EHMT1: variants seen among roughly 807,000 people sequenced by gnomAD.
EHMT1 encodes histone-lysine N-methyltransferase EHMT1.
A neutral mutation model predicts 147.2 loss-of-function variants in EHMT1; 15 were observed. The ratio of observed to expected loss-of-function variants is 0.10; its 90% CI spans 0.07 to 0.16. The LOEUF is 0.16. Ranked by LOEUF, EHMT1 falls within the 10% of genes least tolerant of loss-of-function variation. The pLI is 1.00. For missense variants in EHMT1, 1,587 were observed against 1,772.4 expected (o/e 0.90, Z 1.88); for synonymous variants, 795 against 709.6 (o/e 1.12, Z -1.91).
chr9:137,671,593 T>G (rs1188843718), intron 1 of EHMT1, among the ~76,000 whole-genome samples: 1 of 150,882 alleles, frequency 6.6e-6, no homozygotes, highest in Non-Finnish European at 1.5e-5. Flanking sequence ...TGTGTGACCT[T>G]GGCTCATTGC....
At chr9:137,799,022 C>A (rs555345429) in intron 17 of EHMT1, 108 bp downstream of exon 17, 31 of 930,852 alleles carry the variant, frequency 3.3e-5, no homozygotes, top group Non-Finnish European at 4.8e-5. Flanking sequence ...TCCCCTCCCA[C>A]GCACAGAGCC....
At chr9:137,662,700 C>T (rs1201790922) in intron 1 of EHMT1, among the ~76,000 whole-genome samples, 5 of 152,164 alleles carry the variant, frequency 3.3e-5, no homozygotes, top group East Asian at 3.9e-4. Flanking sequence ...GGGGTTTCAC[C>T]GTGTTGGCCC....
At chr9:137,671,157 T>C (rs1391926833) in intron 1 of EHMT1, among the ~76,000 whole-genome samples, 1 of 152,246 alleles carries the variant, frequency 6.6e-6, no homozygotes, top group Non-Finnish European at 1.5e-5. Context: ...CGTATAATTA[T>C]TCTGTTAACC....
At chr9:137,631,699 G>C (rs955746066) in intron 1 of EHMT1, among the ~76,000 whole-genome samples, 1 of 151,956 alleles carries the variant, frequency 6.6e-6, no homozygotes, top group Non-Finnish European at 1.5e-5. Flanking sequence ...AACATAATGA[G>C]ACCCTGTCTC....
rs1468072346 is a variant in EHMT1 at position 137,716,745 on chromosome 9, G to A, written c.205G>A (p.Ala69Thr). The A allele has an allele frequency of 2.5e-6, 4 of 1,612,620 alleles. No individual in the cohort carries two copies. The African/African-American group carries it at 5.3e-5, about 22-fold the overall frequency. ...CAGCGATGCCAGCAGTCATGCAAAT[G>A]CTGCAAAGCACACTCAGGACAGCGC... ...ENSDASSHAN[A>T]AKHTQDSARV... Residue 69 changes from alanine (A) to threonine (T), a missense_variant, in exon 3 of 27, where the codon GCT becomes ACT. By Grantham distance (58) the Ala-to-Thr change is moderately conservative (BLOSUM62 0). Transcript: ENST00000460843.
chr9:137,670,310 C>G (rs1228227932), intron 1 of EHMT1, among the ~76,000 whole-genome samples: 1 of 152,062 alleles, frequency 6.6e-6, no homozygotes, highest in Non-Finnish European at 1.5e-5. Flanking sequence ...GACCTTGCAC[C>G]TCCACCCCCA....
intron 1 of EHMT1, among the ~76,000 whole-genome samples, chr9:137,642,987 C>G (rs1844603727): frequency 1.3e-5 from 2 of 152,204 alleles, no homozygotes; most frequent in Admixed American, 6.5e-5. Flanking sequence ...TAAAGAGATC[C>G]TCCTGCCTCA....
chr9:137,758,857 G>A (rs995818129), intron 9 of EHMT1, among the ~76,000 whole-genome samples: 2 of 152,164 alleles, frequency 1.3e-5, no homozygotes, highest in African/African-American at 4.8e-5. Flanking sequence ...GCTGGGCGCG[G>A]TGGCTCACAC....
In EHMT1 at chr9:137,776,666, C is replaced by T; in HGVS notation, c.1840C>T (p.His614Tyr). 3 of 1,614,156 alleles carry T rather than the reference C, an allele frequency of 1.9e-6. No individual in the cohort carries two copies. The highest frequency in any genetic ancestry group is 2.5e-6 in the Non-Finnish European group (3 of 1,180,040). The change falls in exon 12 of 27, where the codon CAC becomes TAC. Residue 614 changes from histidine (H) to tyrosine (Y), a missense_variant. By Grantham distance (83) the His-to-Tyr change is moderately conservative. Around this residue, in one of 7 missense-constraint regions of EHMT1, gnomAD observed 124 missense variants for 197.8 expected, o/e 0.63. Transcript: ENST00000460843. This position sits in a 1 kb window ranked among gnomAD's most constrained non-coding sequence, Gnocchi z 4.4. ...CGAGAGCAGCATCTCTCACCGTTTC[C>T]ACAAAGACTGTGCCTCTCGAGTCAA... ...QPESSISHRF[H>Y]KDCASRVNNA...
At chr9:137,814,119 C>T (rs1042843526) in intron 21 of EHMT1, 6 of 361,790 alleles carry the variant, frequency 1.7e-5, no homozygotes, top group Non-Finnish European at 3.2e-5. Context: ...TTGCCTTTCC[C>T]ATCGAGCATC....
At chr9:137,811,330 G>C (rs1389064650) in intron 18 of EHMT1, 131 bp from the exon 19 acceptor site, 1 of 1,266,460 alleles carries the variant, frequency 7.9e-7, no homozygotes, top group Non-Finnish European at 1.1e-6. Flanking sequence ...TTTCCACCTG[G>C]CCCTGCTGCG....
In EHMT1 at chr9:137,799,090, C is replaced by T. The variant is rs543867477; in HGVS notation, c.2607+176C>T. Among the ~76,000 whole-genome samples the T allele has an allele frequency of 1.3e-3, 192 of 152,116 alleles. 1 individual carries two copies. The highest frequency in any genetic ancestry group is 4.1e-3 in the African/African-American group (169 of 41,462). Reference sequence around the variant, plus strand: ...TAGGGCCAGCTCGGACCCTCCACAGCGTCCCATCCCACACACAGAGCCAGC... The same window carrying T: ...TAGGGCCAGCTCGGACCCTCCACAGTGTCCCATCCCACACACAGAGCCAGC... On this transcript the variant is annotated intron_variant, in intron 17 of 26. Coordinates refer to ENST00000460843, the MANE Select transcript of EHMT1 (RefSeq NM_024757.5).
rs1171670453 is a variant in EHMT1, at chr9:137,732,233, G to C, written c.823+3704G>C. 1.3e-5 allele frequency among the ~76,000 whole-genome samples: 2 copies of C among 152,230 alleles called. No individual in the cohort carries two copies. Among genetic ancestry groups the C allele is most frequent in the African/African-American group, 4.8e-5 (2 of 41,462 alleles). On this transcript the variant is annotated intron_variant, in intron 4 of 26. Coordinates refer to ENST00000460843, the MANE Select transcript of EHMT1 (RefSeq NM_024757.5). This position sits in a 1 kb window ranked among gnomAD's most constrained non-coding sequence, Gnocchi z 4.6. The stretch of plus-strand genomic sequence containing the variant: ...TCTGGCTTGAGGAATCCCAAGGTTT[G>C]GGTCCCCAGAAGGATCACCGCTCTT...
In EHMT1 at chr9:137,754,275, G is replaced by A. The variant is rs1377778263; in HGVS notation, c.1353G>A (p.Lys451=). 1.2e-6 allele frequency: 2 copies of A among 1,614,084 alleles called. No homozygotes were observed. The highest frequency in any genetic ancestry group is 1.7e-6 in the Non-Finnish European group (2 of 1,179,970). The change falls in exon 8 of 27, where the codon AAG becomes AAA. Residue 451 remains lysine, a synonymous_variant. Transcript: ENST00000460843. ...AAAGGAGGCGGAGAAGTAGAAAGAA[G>A]CCCAGCGGTGCCCTCGGTAAATGCC... The part of the protein sequence containing the change: ...ARKRRRRSRK[K]PSGALGSESY...
At chr9:137,715,503 C>T (rs143664275) in intron 2 of EHMT1, 17 of 977,226 alleles carry the variant, frequency 1.7e-5, no homozygotes, top group Middle Eastern at 5.3e-4. Flanking sequence ...CTGTTGTGCT[C>T]GAGGTGATAA....
At chr9:137,621,363 C>A (rs931733132) in intron 1 of EHMT1, among the ~76,000 whole-genome samples, 6 of 152,154 alleles carry the variant, frequency 3.9e-5, no homozygotes, top group Admixed American at 6.6e-5. Flanking sequence ...AACTTCATTT[C>A]TTTTCCTTGA....
In EHMT1 at chr9:137,671,104, T is replaced by TA. The variant is rs763421135; in HGVS notation, c.22-39862dup. ...TTCCAGGGCCACCGTGTGCTTGACT[T>TA]ACAGATTAGTGAGGGTGTCTTGCCT... On this transcript the variant is annotated intron_variant, in intron 1 of 26. Coordinates refer to ENST00000460843, the MANE Select transcript of EHMT1 (RefSeq NM_024757.5). Among the ~76,000 whole-genome samples, 91 of 152,334 alleles carry TA rather than the reference T, an allele frequency of 6.0e-4. 1 individual carries two copies. Among genetic ancestry groups the TA allele is most frequent in the Non-Finnish European group, 1.1e-3 (75 of 68,032 alleles).
chr9:137,743,961 C>A lies in EHMT1; in HGVS notation c.1041C>A (p.Asp347Glu). ...TGAATGGGGAGAGCCTGGAGATGGACTCGGATGAGGACGACTCAGAGGAGC... is the reference window on the plus strand; with the variant it reads ...TGAATGGGGAGAGCCTGGAGATGGAATCGGATGAGGACGACTCAGAGGAGC... ...LHVNGESLEM[D>E]SDEDDSEELE... Residue 347 changes from aspartate (D) to glutamate (E), a missense_variant, in exon 6 of 27, where the codon GAC (aspartate) becomes GAA (glutamate). Asp to Glu is a conservative substitution (Grantham distance 45). Coordinates refer to ENST00000460843, the MANE Select transcript of EHMT1 (RefSeq NM_024757.5). 6.2e-7 allele frequency: 1 copy of A among 1,613,874 alleles called. No individual in the cohort carries two copies.
chr9:137,698,581 A>G (rs1943584611), intron 1 of EHMT1, among the ~76,000 whole-genome samples: 1 of 152,094 alleles, frequency 6.6e-6, no homozygotes, highest in Non-Finnish European at 1.5e-5. Flanking sequence ...CAGGGCCCAG[A>G]TGCAGATGGG....
Sources: gnomAD v4.1 joint callset for allele counts (sites outside exome capture counted in the v4.1 genomes callset) on GRCh38, gnomAD v4.1.1 for gene constraint, gnomAD v4.1.1 regional missense constraint, Gnocchi (gnomAD v3.1) non-coding constraint, MANE v1.5 for transcripts, NCBI Gene and HGNC (gene_info 2026-07-23, HGNC 2026-07-21) for gene names.